ARHGAP1: variants seen among roughly 807,000 people sequenced by gnomAD.
ARHGAP1 encodes the protein rho GTPase-activating protein 1.
A neutral mutation model predicts 52.2 loss-of-function variants in ARHGAP1; 23 were observed. The observed-to-expected ratio is 0.44, with a 90% CI of 0.32 to 0.62. The LOEUF (loss-of-function observed/expected upper bound fraction) is 0.62. Among genes scored for constraint, ARHGAP1 ranks in the 20% least tolerant of loss-of-function variants. ARHGAP1 has a pLI of 0.05. For missense variants in ARHGAP1, 480 were observed against 560.9 expected (o/e 0.86, Z 1.46); for synonymous variants, 210 against 228.4 (o/e 0.92, Z 0.73).
At chr11:46,690,842 CTTTG>C (rs1310480072) in intron 3 of ARHGAP1, among the ~76,000 whole-genome samples, 5 of 151,756 alleles carry the variant, frequency 3.3e-5, no homozygotes, top group Non-Finnish European at 7.4e-5. Flanking sequence ...GTCTCATTGT[CTTTG>C]TTTGTTCTTT....
chr11:46,691,002 C>T (rs1210516157), intron 3 of ARHGAP1, among the ~76,000 whole-genome samples: 1 of 152,172 alleles, frequency 6.6e-6, no homozygotes, highest in Non-Finnish European at 1.5e-5. Flanking sequence ...CTGCTTTAGC[C>T]TCCCATGTCC....
chr11:46,684,304 C>A (rs888323243), intron 4 of ARHGAP1, among the ~76,000 whole-genome samples: 2 of 152,222 alleles, frequency 1.3e-5, no homozygotes, highest in African/African-American at 4.8e-5. Flanking sequence ...ACACTCTCAT[C>A]CACTGATGGA....
At chr11:46,684,867 C>G (rs1452697414) in intron 4 of ARHGAP1, among the ~76,000 whole-genome samples, 2 of 152,090 alleles carry the variant, frequency 1.3e-5, no homozygotes, top group African/African-American at 2.4e-5. Context: ...ACGGGCAGAT[C>G]ACCAGAGGTC....
At chr11:46,683,975 A>C (rs949147872) in intron 4 of ARHGAP1, among the ~76,000 whole-genome samples, 18 of 152,170 alleles carry the variant, frequency 1.2e-4, no homozygotes, top group African/African-American at 3.9e-4. Context: ...AACAGCTCCT[A>C]GGCTCCCACA....
chr11:46,680,105 G>A lies in ARHGAP1; in HGVS notation c.898+100C>T. The stretch of plus-strand genomic sequence containing the variant: ...CCCAGAGCCACGGAAACCTCCAGCA[G>A]GAAGAGACTCTGAGACTCTCATTTA... On this transcript the variant is annotated intron_variant, in intron 10 of 12. Transcript: ENST00000311956. The surrounding 1 kb of genome is among the most constrained non-coding windows in gnomAD (Gnocchi z 5.9). 1.4e-6 allele frequency: 2 copies of A among 1,386,518 alleles called. No homozygotes were observed. The highest frequency in any genetic ancestry group is 4.6e-5 in the East Asian group (2 of 43,594). 85.9% of individuals were successfully genotyped at this position (1,386,518 alleles called of 1,614,324 possible). A position where few individuals can be genotyped will look rare whatever the true frequency, so the allele number is the denominator to read the frequency against.
At chr11:46,693,300 CTT>C (rs754512339) in intron 3 of ARHGAP1, among the ~76,000 whole-genome samples, 4 of 143,942 alleles carry the variant, frequency 2.8e-5, no homozygotes, top group Middle Eastern at 3.6e-3. Flanking sequence ...CCTGGCTGCA[CTT>C]TTTTTTTTTT....
Position 46,698,787 on chromosome 11 carries a change from A to C in ARHGAP1, c.-50+1764T>G, listed in dbSNP as rs77292021. ...CCCCCACATAACCTCCTTTCCCAGC[A>C]TAACTAAGCCCAGTGGTTCCCATCT... On this transcript the variant is annotated intron_variant, in intron 1 of 12. Transcript: ENST00000311956. 3.0e-4 allele frequency among the ~76,000 whole-genome samples: 45 copies of C among 152,216 alleles called. No individual in the cohort carries two copies. The East Asian group carries it at 7.5e-3, about 26-fold the overall frequency.
Position 46,679,472 on chromosome 11 carries a change from T to C in ARHGAP1, c.1028-4A>G, listed in dbSNP as rs2064506894. 7 of 1,613,660 alleles carry C rather than the reference T, an allele frequency of 4.3e-6. No homozygotes were observed. The highest frequency in any genetic ancestry group is 5.1e-6 in the Non-Finnish European group (6 of 1,179,680). On this transcript the variant is annotated splice_region_variant and splice_polypyrimidine_tract_variant and intron_variant, in intron 11 of 12. Coordinates refer to ENST00000311956, the MANE Select transcript of ARHGAP1 (RefSeq NM_004308.5). The surrounding 1 kb of genome is among the most constrained non-coding windows in gnomAD (Gnocchi z 4.4). Reference sequence around the variant, plus strand: ...ACCCTCTGGCTTTCATCAATGTCTATGAGGAAAGGAGGCCCGGGTTATAGG... The same window carrying C: ...ACCCTCTGGCTTTCATCAATGTCTACGAGGAAAGGAGGCCCGGGTTATAGG...
At chr11:46,686,719 A>G (rs181800122) in intron 4 of ARHGAP1, 6 of 138,642 alleles carry the variant, frequency 4.3e-5, no homozygotes, top group African/African-American at 1.6e-4. Context: ...GCGTCCAGCC[A>G]CTTCAGGCAC....
chr11:46,680,101 A>G lies in ARHGAP1; in HGVS notation c.898+104T>C. 7.3e-7 allele frequency: 1 copy of G among 1,370,634 alleles called. No homozygotes were observed. Among genetic ancestry groups the G allele is most frequent in the East Asian group, 2.3e-5 (1 of 43,542 alleles). 84.9% of individuals were successfully genotyped at this position (1,370,634 alleles called of 1,614,324 possible). A position where few individuals can be genotyped will look rare whatever the true frequency, so the allele number is the denominator to read the frequency against. ...GACACCCAGAGCCACGGAAACCTCC[A>G]GCAGGAAGAGACTCTGAGACTCTCA... On this transcript the variant is annotated intron_variant, in intron 10 of 12. Transcript: ENST00000311956. This position sits in a 1 kb window ranked among gnomAD's most constrained non-coding sequence, Gnocchi z 5.9.
At chr11:46,686,739 T>TC (rs1697468553) in intron 4 of ARHGAP1, 1 of 151,988 alleles carries the variant, frequency 6.6e-6, no homozygotes, top group Admixed American at 6.6e-5. Flanking sequence ...CTTTCTTTTT[T>TC]TTTTTTTGAG....
In ARHGAP1 at chr11:46,680,326, C is replaced by A. The variant is rs758614144; in HGVS notation, c.821-44G>T. 3 of 1,604,680 alleles carry A rather than the reference C, an allele frequency of 1.9e-6. No individual in the cohort carries two copies. The African/African-American group carries it at 4.0e-5, about 21-fold the overall frequency. On this transcript the variant is annotated intron_variant, in intron 9 of 12. Transcript: ENST00000311956. This position sits in a 1 kb window ranked among gnomAD's most constrained non-coding sequence, Gnocchi z 5.9. ...TGGTGAGCCTCCGAGCGCTGGGCAC[C>A]GGCTGGATTCCCTGCCCCTTCTCTG...
At chr11:46,686,565 G>A (rs1013720543) in intron 4 of ARHGAP1, among the ~76,000 whole-genome samples, 2 of 151,246 alleles carry the variant, frequency 1.3e-5, no homozygotes, top group Admixed American at 6.6e-5. Flanking sequence ...ACAGGCGCCC[G>A]CCACCACGCC....
chr11:46,678,144 G>A lies in ARHGAP1; in HGVS notation c.*893C>T, dbSNP rs1261775126. On this transcript the variant is annotated 3_prime_UTR_variant, in exon 13 of 13. Coordinates refer to ENST00000311956, the MANE Select transcript of ARHGAP1 (RefSeq NM_004308.5). ...GAGGCACTGAGTCACCTCTGGCTGG[G>A]GCAGGGGCCAGTGTGACTCCGTAAC... 2 of 287,648 alleles carry A rather than the reference G, an allele frequency of 7.0e-6. No individual in the cohort carries two copies. The highest frequency in any genetic ancestry group is 1.4e-5 in the Non-Finnish European group (2 of 145,068). The allele number at this position is 287,648 out of a possible 1,614,324, so 17.8% of individuals were successfully genotyped here. A position where few individuals can be genotyped will look rare whatever the true frequency, so the allele number is the denominator to read the frequency against.
Position 46,680,981 on chromosome 11 carries a change from A to G in ARHGAP1, c.635+30T>C, listed in dbSNP as rs2064521468. 6.3e-7 allele frequency: 1 copy of G among 1,598,034 alleles called. No homozygotes were observed. Among genetic ancestry groups the G allele is most frequent in the African/African-American group, 1.3e-5 (1 of 74,546 alleles). ...CACACGTCCTCATTACCCTGGCTTC[A>G]CGAGCCCCCAGCCGCCGCACCCGCC... On this transcript the variant is annotated intron_variant, in intron 7 of 12. Transcript: ENST00000311956. This position sits in a 1 kb window ranked among gnomAD's most constrained non-coding sequence, Gnocchi z 5.9.
rs542335557 is a variant in ARHGAP1, at chr11:46,680,288, A to C, written c.821-6T>G. ...GATGCCCTCGGTGGTGAGAGCTGGG[A>C]AACAGTAGGGCCTGGTGAGCCTCCG... On this transcript the variant is annotated splice_region_variant and splice_polypyrimidine_tract_variant and intron_variant, in intron 9 of 12. Coordinates refer to ENST00000311956, the MANE Select transcript of ARHGAP1 (RefSeq NM_004308.5). The surrounding 1 kb of genome is among the most constrained non-coding windows in gnomAD (Gnocchi z 5.9). 1.2e-6 allele frequency: 2 copies of C among 1,613,950 alleles called. No individual in the cohort carries two copies. The highest frequency in any genetic ancestry group is 2.2e-5 in the South Asian group (2 of 91,064).
chr11:46,697,977 T>G (rs771376771), intron 1 of ARHGAP1, among the ~76,000 whole-genome samples: 4 of 152,134 alleles, frequency 2.6e-5, no homozygotes, highest in Non-Finnish European at 5.9e-5. Context: ...AGAATCCAGC[T>G]CAAAGCAACC....
At chr11:46,690,735 G>A (rs896957668) in intron 3 of ARHGAP1, among the ~76,000 whole-genome samples, 2 of 152,052 alleles carry the variant, frequency 1.3e-5, no homozygotes, top group African/African-American at 4.8e-5. Flanking sequence ...AGCATAAACC[G>A]TCACCCATCA....
Position 46,678,864 on chromosome 11 carries a change from T to C in ARHGAP1, c.*173A>G. 1 of 706,690 alleles carries C rather than the reference T, an allele frequency of 1.4e-6. No homozygotes were observed. Among genetic ancestry groups the C allele is most frequent in the Non-Finnish European group, 2.3e-6 (1 of 432,732 alleles). 43.8% of individuals were successfully genotyped at this position (706,690 alleles called of 1,614,324 possible). On this transcript the variant is annotated 3_prime_UTR_variant, in exon 13 of 13. Transcript: ENST00000311956. The stretch of plus-strand genomic sequence containing the variant: ...GTGTAAGGCAGAGAAAAACGTCTTC[T>C]GGTAACAGCGAGGCCGCCAGGGCCG...
Sources: gnomAD v4.1 joint callset for allele counts (sites outside exome capture counted in the v4.1 genomes callset) on GRCh38, gnomAD v4.1.1 for gene constraint, Gnocchi (gnomAD v3.1) non-coding constraint, MANE v1.5 for transcripts, NCBI Gene and HGNC (gene_info 2026-07-23, HGNC 2026-07-21) for gene names.